The following SHANK2 variants were observed in gnomAD, a reference collection of about 807,000 sequenced individuals.
SHANK2 encodes the protein SH3 and multiple ankyrin repeat domains protein 2.
Under a neutral mutation model 133.7 loss-of-function variants are expected in SHANK2, and 43 were observed. The observed-to-expected ratio is 0.32, with a 90% CI of 0.25 to 0.41. The LOEUF (loss-of-function observed/expected upper bound fraction) is 0.41. Among genes scored for constraint, SHANK2 ranks in the 10% least tolerant of loss-of-function variants. The probability of loss-of-function intolerance (pLI) is 1.00; values close to 1 mark genes in which losing one functional copy is unlikely to be tolerated. For synonymous variants in SHANK2, 1,017 were observed against 952.8 expected, an observed-to-expected ratio of 1.07 and a Z score of -1.24; for missense variants, 1,994 against 2,235.8, an observed-to-expected ratio of 0.89 and a Z score of 2.18.
At chr11:70,686,328 T>C (rs1945152418) in intron 15 of SHANK2, among the ~76,000 whole-genome samples, 1 of 142,314 alleles carries the variant, frequency 7.0e-6, no homozygotes, top group Non-Finnish European at 1.5e-5. Context: ...CATCTACCCA[T>C]CCATCCACTC....
At chr11:70,732,607 T>C (rs2134737040) in intron 14 of SHANK2, among the ~76,000 whole-genome samples, 1 of 152,314 alleles carries the variant, frequency 6.6e-6, no homozygotes, top group African/African-American at 2.4e-5. Context: ...GCTGCCCTTC[T>C]TGCTGTTCCC....
intron 10 of SHANK2, among the ~76,000 whole-genome samples, chr11:70,910,658 T>C (rs903560588): frequency 6.6e-6 from 1 of 152,036 alleles, no homozygotes; most frequent in Non-Finnish European, 1.5e-5. Flanking sequence ...AAATACAAAA[T>C]TAGCCGGGCA....
At chr11:70,743,908 C>T (rs1265018727) in intron 14 of SHANK2, among the ~76,000 whole-genome samples, 1 of 152,176 alleles carries the variant, frequency 6.6e-6, no homozygotes, top group Non-Finnish European at 1.5e-5. Context: ...GAGGCCCTGC[C>T]AAACCCTCAG....
chr11:70,760,375 T>TTA (rs1946968344), intron 14 of SHANK2, among the ~76,000 whole-genome samples: 2 of 152,188 alleles, frequency 1.3e-5, no homozygotes, highest in Admixed American at 1.3e-4. Context: ...CCTTCTAAAT[T>TTA]TATAAATCGT....
chr11:70,672,354 G>A (rs1424785243), intron 15 of SHANK2, among the ~76,000 whole-genome samples: 15 of 152,084 alleles, frequency 9.9e-5, no homozygotes, highest in African/African-American at 3.4e-4. Context: ...GTGAGCCACC[G>A]CACCCAGCCT....
intron 17 of SHANK2, among the ~76,000 whole-genome samples, chr11:70,589,725 TCATGGGAGGAGGCCAGTATGTCAA>T (rs1272050739): frequency 6.6e-6 from 1 of 152,204 alleles, no homozygotes; most frequent in African/African-American, 2.4e-5. Context: ...CATTTGTGAT[TCATGGGAGGAGGCCAGTATGTCAA>T]CATGAGCAGG....
chr11:70,908,052 G>A, intron 10 of SHANK2: 1 of 385,956 alleles, frequency 2.6e-6, no homozygotes, highest in South Asian at 1.9e-5. Context: ...AGTGAGCCGG[G>A]ATCGTGCCAT....
At chr11:71,142,670 A>T (rs1565475771) in intron 3 of SHANK2, among the ~76,000 whole-genome samples, 1 of 152,208 alleles carries the variant, frequency 6.6e-6, no homozygotes, top group Non-Finnish European at 1.5e-5. Context: ...AAAAGTAACA[A>T]AATACAGGAA....
At chr11:70,525,789 C>T (rs782583720) in intron 17 of SHANK2, among the ~76,000 whole-genome samples, 1 of 151,942 alleles carries the variant, frequency 6.6e-6, no homozygotes, top group Non-Finnish European at 1.5e-5. Flanking sequence ...CCCTCCTAGC[C>T]CCCAGGGATG....
chr11:70,643,145 G>C (rs566306647), intron 17 of SHANK2, among the ~76,000 whole-genome samples: 8 of 152,344 alleles, frequency 5.3e-5, no homozygotes, highest in African/African-American at 1.7e-4. Flanking sequence ...GGTTACCTTG[G>C]AGGAAGGCTT....
chr11:70,811,077 G>A (rs1331169973), intron 12 of SHANK2, among the ~76,000 whole-genome samples: 1 of 152,170 alleles, frequency 6.6e-6, no homozygotes, highest in Non-Finnish European at 1.5e-5. Flanking sequence ...CCAGCCCCAT[G>A]ATCAGTCCCC....
At position 70,882,295 on chromosome 11, in the gene SHANK2, G is replaced by T. The variant is rs916165296; in HGVS notation, c.1174+14206C>A. Among the ~76,000 whole-genome samples the T allele has an allele frequency of 5.3e-5, 8 of 152,172 alleles. No individual in the cohort carries two copies. Among genetic ancestry groups the T allele is most frequent in the Non-Finnish European group, 1.5e-5 (1 of 68,022 alleles). Reference sequence around the variant, plus strand: ...GTTTCCAGGCCTGGTGAGCTCCGGGGTGGGACGGGAGAGGGGCCACTGCAG... The same window carrying T: ...GTTTCCAGGCCTGGTGAGCTCCGGGTTGGGACGGGAGAGGGGCCACTGCAG... On this transcript the variant is annotated intron_variant, in intron 11 of 25. Coordinates refer to ENST00000601538, the MANE Select transcript of SHANK2 (RefSeq NM_012309.5). This position sits in a 1 kb window ranked among gnomAD's most constrained non-coding sequence, Gnocchi z 4.2.
Position 70,477,998 on chromosome 11 carries a change from G to A in SHANK2, c.4980-4559C>T, listed in dbSNP as rs537468271. Reference sequence around the variant, plus strand: ...ACACTCACACCCAACTCCCCACCAGGTCACCACTGTCTACCCTGCCTTTTA... The same window carrying A: ...ACACTCACACCCAACTCCCCACCAGATCACCACTGTCTACCCTGCCTTTTA... On this transcript the variant is annotated intron_variant, in intron 25 of 25. Coordinates refer to ENST00000601538, the MANE Select transcript of SHANK2 (RefSeq NM_012309.5). Among the ~76,000 whole-genome samples the A allele has an allele frequency of 2.3e-4, 35 of 152,094 alleles. 1 individual carries two copies. Among genetic ancestry groups the A allele is most frequent in the Non-Finnish European group, 4.0e-4 (27 of 68,004 alleles).
intron 21 of SHANK2, among the ~76,000 whole-genome samples, chr11:70,499,286 A>G (rs570443187): frequency 6.6e-6 from 1 of 152,288 alleles, no homozygotes; most frequent in African/African-American, 2.4e-5. Context: ...CTTCCTGCCC[A>G]CACCCTTGCC....
intron 10 of SHANK2, among the ~76,000 whole-genome samples, chr11:70,927,757 A>G (rs1472660976): frequency 6.6e-6 from 1 of 152,012 alleles, no homozygotes; most frequent in Non-Finnish European, 1.5e-5. Flanking sequence ...TATCTGGGAG[A>G]ATGTTCCTGG....
At chr11:70,636,312 T>C (rs2061081673) in intron 17 of SHANK2, among the ~76,000 whole-genome samples, 1 of 152,298 alleles carries the variant, frequency 6.6e-6, no homozygotes, top group African/African-American at 2.4e-5. Context: ...AGCAGATGTG[T>C]GAGCGTGTGA....
chr11:71,206,412 C>A (rs112471010), intron 2 of SHANK2, among the ~76,000 whole-genome samples: 35 of 152,272 alleles, frequency 2.3e-4, no homozygotes, highest in African/African-American at 7.9e-4. Flanking sequence ...CACTGGAATG[C>A]GGATCTGCAA....
intron 2 of SHANK2, among the ~76,000 whole-genome samples, chr11:71,190,795 C>G (rs954492072): frequency 6.6e-6 from 1 of 152,210 alleles, no homozygotes; most frequent in African/African-American, 2.4e-5. Context: ...GTGGCCTGCA[C>G]GAACCCATCA....
intron 17 of SHANK2, among the ~76,000 whole-genome samples, chr11:70,632,521 C>G (rs1035290042): frequency 2.0e-5 from 3 of 152,126 alleles, no homozygotes; most frequent in African/African-American, 7.2e-5. Context: ...CAACCAGAGG[C>G]TCCTTTCTCT....
Sources: gnomAD v4.1 joint callset for allele counts (sites outside exome capture counted in the v4.1 genomes callset) on GRCh38, gnomAD v4.1.1 for gene constraint, Gnocchi (gnomAD v3.1) non-coding constraint, MANE v1.5 for transcripts, NCBI Gene and HGNC (gene_info 2026-07-23, HGNC 2026-07-21) for gene names.